The following BDH1 variants were observed in gnomAD, a reference collection of about 807,000 sequenced individuals.
The protein encoded by BDH1 is 3-hydroxybutyrate dehydrogenase 1.
BDH1 carries 30 observed loss-of-function variants against 33.1 expected under a neutral mutation model. The observed-to-expected ratio is 0.91, with a 90% CI of 0.68 to 1.23. The LOEUF is 1.23. Ranked by LOEUF, BDH1 falls within the 50% of genes most tolerant of loss-of-function variation. BDH1 has a pLI of 0.00. For synonymous variants in BDH1, 190 were observed against 183.6 expected, an observed-to-expected ratio of 1.03 and a Z score of -0.28; for missense variants, 443 against 464.4, an observed-to-expected ratio of 0.95 and a Z score of 0.42.
At position 197,554,887 on chromosome 3, in the gene BDH1, A is replaced by G. The variant is rs919356944; in HGVS notation, c.-195-174T>C. ...ACAGGGTATCTATCAGGCGCGCGTCAGCACGTAAGCAGAGCGCGAGAACGC... is the reference window on the plus strand; with the variant it reads ...ACAGGGTATCTATCAGGCGCGCGTCGGCACGTAAGCAGAGCGCGAGAACGC... On this transcript the variant is annotated intron_variant, in intron 1 of 7. Coordinates refer to ENST00000392379, the MANE Select transcript of BDH1 (RefSeq NM_203314.3). This position sits in a 1 kb window ranked among gnomAD's most constrained non-coding sequence, Gnocchi z 4.4. Among the ~76,000 whole-genome samples the G allele has an allele frequency of 6.6e-6, 1 of 152,268 alleles. No individual in the cohort carries two copies. The highest frequency in any genetic ancestry group is 2.4e-5 in the African/African-American group (1 of 41,476).
In BDH1 at chr3:197,547,367, A is replaced by G. The variant is rs1055403728; in HGVS notation, c.-43-881T>C. Among the ~76,000 whole-genome samples, 3 of 152,308 alleles carry G rather than the reference A, an allele frequency of 2.0e-5. No individual in the cohort carries two copies. The East Asian group carries it at 5.8e-4, about 29-fold the overall frequency. Reference sequence around the variant, plus strand: ...TGTAGTCTGTCATACTGTTCCTGGTAATAAGGTACTGCCTGGGAGGCTCCT... The same window carrying G: ...TGTAGTCTGTCATACTGTTCCTGGTGATAAGGTACTGCCTGGGAGGCTCCT... On this transcript the variant is annotated intron_variant, in intron 2 of 7. Coordinates refer to ENST00000392379, the MANE Select transcript of BDH1 (RefSeq NM_203314.3).
intron 7 of BDH1, among the ~76,000 whole-genome samples, chr3:197,512,583 A>C (rs1712193533): frequency 6.6e-6 from 1 of 152,204 alleles, no homozygotes; most frequent in Non-Finnish European, 1.5e-5. Context: ...GGGGAGGACA[A>C]GTGAGTGAGA....
upstream of BDH1, among the ~76,000 whole-genome samples, chr3:197,558,538 C>T (rs1717155496): frequency 6.6e-6 from 1 of 152,240 alleles, no homozygotes; most frequent in Non-Finnish European, 1.5e-5. Context: ...CTCTTCCCAG[C>T]CCTCCCCTCC....
chr3:197,563,148 A>T (rs983013380), intron 1 of BDH1, among the ~76,000 whole-genome samples: 1 of 152,206 alleles, frequency 6.6e-6, no homozygotes, highest in Non-Finnish European at 1.5e-5. Flanking sequence ...ACATGTACAC[A>T]TGTATGTATT....
At chr3:197,548,334 C>T (rs752800106) in intron 2 of BDH1, among the ~76,000 whole-genome samples, 19 of 152,216 alleles carry the variant, frequency 1.2e-4, no homozygotes, top group Non-Finnish European at 1.9e-4. Context: ...ACATCTCTAC[C>T]TCCTCCCTCC....
chr3:197,518,998 C>A (rs1304057437), intron 6 of BDH1, among the ~76,000 whole-genome samples: 37 of 67,402 alleles, frequency 5.5e-4, no homozygotes, highest in Middle Eastern at 7.2e-3. Context: ...CTCAGGCCGA[C>A]CCCCCAATCA....
chr3:197,515,924 G>A (rs568791506), intron 6 of BDH1: 50 of 156,176 alleles, frequency 3.2e-4, no homozygotes, highest in Admixed American at 2.0e-3. Context: ...ACGCGCGCGC[G>A]CGCGCTCTAT....
intron 3 of BDH1, among the ~76,000 whole-genome samples, chr3:197,536,492 C>T (rs2108747461): frequency 6.6e-6 from 1 of 152,220 alleles, no homozygotes; most frequent in South Asian, 2.1e-4. Flanking sequence ...ATGGGGTTTC[C>T]ATTTACATAG....
At position 197,521,606 on chromosome 3, in the gene BDH1, AC is replaced by A. The variant is rs1228196592; in HGVS notation, c.409+1033del. The stretch of plus-strand genomic sequence containing the variant: ...GTGGGCACCTGCTCTTCTAGCCTGG[AC>A]ATTCCCTCAGGGTGGGCGCTTCAGT... On this transcript the variant is annotated intron_variant, in intron 6 of 7. Transcript: ENST00000392379. This position sits in a 1 kb window ranked among gnomAD's most constrained non-coding sequence, Gnocchi z 4.9. Among the ~76,000 whole-genome samples the A allele has an allele frequency of 3.3e-5, 5 of 152,124 alleles. No individual in the cohort carries two copies. The East Asian group carries it at 9.7e-4, about 29-fold the overall frequency.
chr3:197,559,001 C>CTT (rs796295489), upstream of BDH1, among the ~76,000 whole-genome samples: 20 of 137,232 alleles, frequency 1.5e-4, no homozygotes, highest in Admixed American at 1.5e-4. Flanking sequence ...GGCAATTGAA[C>CTT]TTTTTTTTTT....
At chr3:197,549,481 G>T (rs1019341319) in intron 2 of BDH1, among the ~76,000 whole-genome samples, 3 of 152,196 alleles carry the variant, frequency 2.0e-5, no homozygotes, top group Non-Finnish European at 4.4e-5. Context: ...TCCCCTCAAA[G>T]GGGCAGGCAT....
intron 1 of BDH1, among the ~76,000 whole-genome samples, chr3:197,571,559 G>A (rs1273447118): frequency 6.6e-6 from 1 of 152,160 alleles, no homozygotes; most frequent in East Asian, 1.9e-4. Context: ...GAGATCTAAT[G>A]GTTTTACAAG....
At chr3:197,543,152 A>C (rs1715794494) in intron 3 of BDH1, 1 of 985,460 alleles carries the variant, frequency 1.0e-6, no homozygotes. Flanking sequence ...AGGAGCCATG[A>C]GTCCATTTGA....
chr3:197,536,344 A>G (rs1045650596), intron 3 of BDH1, among the ~76,000 whole-genome samples: 1 of 152,158 alleles, frequency 6.6e-6, no homozygotes, highest in African/African-American at 2.4e-5. Flanking sequence ...GCCTTTCCAT[A>G]TAAATTTTAG....
At chr3:197,543,632 C>T (rs550655567) in intron 3 of BDH1, among the ~76,000 whole-genome samples, 24 of 152,320 alleles carry the variant, frequency 1.6e-4, no homozygotes, top group African/African-American at 5.1e-4. Context: ...TTCATCTGGA[C>T]GGAGCCATGT....
chr3:197,515,797 G>A (rs141635217), intron 6 of BDH1: 20 of 876,618 alleles, frequency 2.3e-5, no homozygotes, highest in East Asian at 1.2e-4. Context: ...CCAGCTACTC[G>A]GGAGGCTGAG....
At chr3:197,564,826 T>C (rs1357884875) in intron 1 of BDH1, among the ~76,000 whole-genome samples, 1 of 152,248 alleles carries the variant, frequency 6.6e-6, no homozygotes. Context: ...GAAAGGCTTA[T>C]GGAAGTTATA....
At chr3:197,513,178 G>T (rs1712265882) in intron 7 of BDH1, among the ~76,000 whole-genome samples, 1 of 152,252 alleles carries the variant, frequency 6.6e-6, no homozygotes, top group African/African-American at 2.4e-5. Flanking sequence ...CAGCCTGGGG[G>T]CATCAGGGGC....
chr3:197,565,303 T>TA (rs1717399068), intron 1 of BDH1, among the ~76,000 whole-genome samples: 1 of 152,224 alleles, frequency 6.6e-6, no homozygotes, highest in Non-Finnish European at 1.5e-5. Flanking sequence ...GCCTTTTTTT[T>TA]AAATCCTTGA....
Sources: gnomAD v4.1 joint callset for allele counts (sites outside exome capture counted in the v4.1 genomes callset) on GRCh38, gnomAD v4.1.1 for gene constraint, Gnocchi (gnomAD v3.1) non-coding constraint, MANE v1.5 for transcripts, NCBI Gene and HGNC (gene_info 2026-07-23, HGNC 2026-07-21) for gene names.